SNRPN: variants seen among roughly 807,000 people sequenced by gnomAD.
The protein encoded by SNRPN is small nuclear ribonucleoprotein-associated protein N.
SNRPN carries 7 observed loss-of-function variants against 25.2 expected under a neutral mutation model. The ratio of observed to expected loss-of-function variants is 0.28; its 90% CI spans 0.16 to 0.52. The LOEUF (loss-of-function observed/expected upper bound fraction) is 0.52, where lower values mean the gene tolerates loss of function less well. Ranked by LOEUF, SNRPN falls within the 20% of genes least tolerant of loss-of-function variation. SNRPN has a pLI of 0.96. For synonymous variants in SNRPN, 124 were observed against 110.6 expected (o/e 1.12, Z -0.76); for missense variants, 196 against 322.5 (o/e 0.61, Z 3.00).
At chr15:24,962,343 A>G (rs2074964757) in intron 2 of SNRPN, 134 bp downstream of exon 2, 1 of 735,294 alleles carries the variant, frequency 1.4e-6, no homozygotes, top group African/African-American at 1.8e-5. Flanking sequence ...AGATGTAGTA[A>G]AAAAGCAATG....
intron 1 of SNRPN, among the ~76,000 whole-genome samples, chr15:24,870,058 C>T (rs538674798): frequency 6.6e-6 from 1 of 152,256 alleles, no homozygotes; most frequent in East Asian, 1.9e-4. Flanking sequence ...AGTTGGCTCC[C>T]ATATCATTTT....
chr15:24,830,066 G>C (rs1338612166), intron 2 of SNRPN, among the ~76,000 whole-genome samples: 2 of 152,002 alleles, frequency 1.3e-5, no homozygotes, highest in African/African-American at 4.8e-5. Context: ...GTTGATGTTC[G>C]CATACAAACC....
At chr15:24,923,043 C>T (rs991984486) in intron 3 of SNRPN, among the ~76,000 whole-genome samples, 4 of 151,906 alleles carry the variant, frequency 2.6e-5, no homozygotes, top group Non-Finnish European at 5.9e-5. Flanking sequence ...GTAACTGGGA[C>T]TACAGGCACC....
chr15:24,972,002 TC>T (rs1251086949), intron 3 of SNRPN, among the ~76,000 whole-genome samples: 6 of 152,170 alleles, frequency 3.9e-5, no homozygotes, highest in Non-Finnish European at 7.4e-5. Context: ...ATGCCTGTAA[TC>T]CTAGCACTTG....
upstream of SNRPN, among the ~76,000 whole-genome samples, chr15:24,856,220 T>G (rs2053368501): frequency 1.3e-5 from 2 of 152,202 alleles, no homozygotes; most frequent in South Asian, 4.1e-4. Context: ...ACCAATATTC[T>G]CAGTTGTCCC....
chr15:24,967,834 A>G, intron 2 of SNRPN, 98 bp from the exon 3 acceptor site: 1 of 857,286 alleles, frequency 1.2e-6, no homozygotes, highest in Non-Finnish European at 1.8e-6. Flanking sequence ...AAAAAGGAAT[A>G]TCTTCTTAAA....
At chr15:24,877,160 T>A (rs894007259) in intron 1 of SNRPN, among the ~76,000 whole-genome samples, 1 of 152,026 alleles carries the variant, frequency 6.6e-6, no homozygotes, top group South Asian at 2.1e-4. Flanking sequence ...CCAGGAAAAA[T>A]GGCCACAGAA....
intron 2 of SNRPN, among the ~76,000 whole-genome samples, chr15:24,889,485 T>C (rs1329194829): frequency 1.3e-5 from 2 of 151,316 alleles, no homozygotes; most frequent in Non-Finnish European, 2.9e-5. Context: ...TTTTGTATTT[T>C]TAGTAGAGAC....
chr15:24,899,444 T>C (rs1489323121), intron 2 of SNRPN, among the ~76,000 whole-genome samples: 1 of 152,170 alleles, frequency 6.6e-6, no homozygotes, highest in African/African-American at 2.4e-5. Context: ...TTGAAGGTGG[T>C]TGGACATTGT....
intron 3 of SNRPN, among the ~76,000 whole-genome samples, chr15:24,969,084 A>G (rs146441518): frequency 7.9e-5 from 12 of 152,088 alleles, no homozygotes; most frequent in Non-Finnish European, 1.2e-4. Context: ...TTATCCTTCA[A>G]CTTGAATCAG....
In SNRPN at chr15:24,978,253, C is replaced by T. The variant is rs1204264414; in HGVS notation, c.620C>T (p.Pro207Leu). ...ATGGGCCCACCAATTGGGCTTCCCC[C>T]TGCTCGAGGGACGCCAATAGGCATG... ...PPMGPPIGLP[P>L]ARGTPIGMPP... is the part of the protein sequence containing the mutation. Residue 207 changes from proline (P) to leucine (L), a missense_variant, in exon 9 of 10, where the codon CCT becomes CTT. By Grantham distance (98) the Pro-to-Leu change is moderately conservative. Transcript: ENST00000390687. The T allele has an allele frequency of 1.2e-6, 2 of 1,614,012 alleles. No individual in the cohort carries two copies. The highest frequency in any genetic ancestry group is 2.2e-5 in the East Asian group (1 of 44,888).
chr15:24,902,648 C>T (rs759089643), intron 2 of SNRPN, among the ~76,000 whole-genome samples: 1 of 152,102 alleles, frequency 6.6e-6, no homozygotes, highest in Non-Finnish European at 1.5e-5. Context: ...CTGGTGGGTT[C>T]GTGGTCTTGC....
intron 2 of SNRPN, among the ~76,000 whole-genome samples, chr15:24,914,380 C>T (rs1357891675): frequency 6.6e-6 from 1 of 152,048 alleles, no homozygotes; most frequent in Non-Finnish European, 1.5e-5. Flanking sequence ...TCTAATCCAG[C>T]TTCAAACTAT....
chr15:24,893,102 G>A (rs1566880021), intron 2 of SNRPN, among the ~76,000 whole-genome samples: 1 of 152,032 alleles, frequency 6.6e-6, no homozygotes, highest in South Asian at 2.1e-4. Flanking sequence ...CCAGTTATTC[G>A]GAGGCTGAGG....
chr15:24,948,358 C>T (rs148683855), intron 3 of SNRPN, among the ~76,000 whole-genome samples: 60 of 152,082 alleles, frequency 3.9e-4, no homozygotes, highest in African/African-American at 1.2e-3. Context: ...GTGATCTGCC[C>T]GCCTCGGCTT....
intron 1 of SNRPN, among the ~76,000 whole-genome samples, chr15:24,956,078 G>A (rs1224704935): frequency 6.6e-6 from 1 of 152,122 alleles, no homozygotes; most frequent in African/African-American, 2.4e-5. Flanking sequence ...GCAGAAATGC[G>A]TGGAATCCTT....
rs535280110 is a variant in SNRPN at position 24,832,841 on chromosome 15, C to T, written c.-579+2936C>T. ...ATGATGGAGGCCGGGCGCGGTGGCT[C>T]AGGGCCTGTAATCCCAGCACTTTGG... On this transcript the variant is annotated intron_variant, in intron 2 of 12. Coordinates refer to the SNRPN transcript ENST00000400100. Among the ~76,000 whole-genome samples, 8 of 151,984 alleles carry T rather than the reference C, an allele frequency of 5.3e-5. No homozygotes were observed. In the East Asian group the frequency reaches 9.7e-4, roughly 18 times the overall value.
intron 3 of SNRPN, among the ~76,000 whole-genome samples, chr15:24,973,769 A>G (rs1449576543): frequency 2.0e-5 from 3 of 152,090 alleles, no homozygotes; most frequent in Non-Finnish European, 4.4e-5. Context: ...GTCTATATAT[A>G]TATATTCCAT....
chr15:24,959,625 G>C (rs1860918880), intron 1 of SNRPN, among the ~76,000 whole-genome samples: 1 of 152,144 alleles, frequency 6.6e-6, no homozygotes, highest in Non-Finnish European at 1.5e-5. Flanking sequence ...TCATGGTTTA[G>C]TTGATAGTTT....
Sources: gnomAD v4.1 joint callset for allele counts (sites outside exome capture counted in the v4.1 genomes callset) on GRCh38, gnomAD v4.1.1 for gene constraint, MANE v1.5 for transcripts, NCBI Gene and HGNC (gene_info 2026-07-23, HGNC 2026-07-21) for gene names.